ALK: variants seen among roughly 807,000 people sequenced by gnomAD.
The protein encoded by ALK is ALK tyrosine kinase receptor.
Under a neutral mutation model 163.1 loss-of-function variants are expected in ALK, and 74 were observed. The ratio of observed to expected loss-of-function variants is 0.45; its 90% confidence interval spans 0.38 to 0.55. ALK has a LOEUF of 0.55. ALK is among the 20% of genes least tolerant of loss of function. The pLI, the probability that ALK is intolerant of heterozygous loss-of-function variation, is 0.00. For synonymous variants in ALK, 960 were observed against 843.2 expected (o/e 1.14, Z -2.40); for missense variants, 2,063 against 2,105.3 (o/e 0.98, Z 0.39).
intron 5 of ALK, among the ~76,000 whole-genome samples, chr2:29,334,210 C>T (rs1667541105): frequency 6.6e-6 from 1 of 152,188 alleles, no homozygotes; most frequent in South Asian, 2.1e-4. Flanking sequence ...GACACTGCTA[C>T]ATATCATTAC....
intron 4 of ALK, among the ~76,000 whole-genome samples, chr2:29,384,418 C>T (rs1301120466): frequency 6.6e-6 from 1 of 152,042 alleles, no homozygotes; most frequent in Non-Finnish European, 1.5e-5. Flanking sequence ...GTAAAAGGTA[C>T]CTAAGACTGA....
rs114136405 is a variant in ALK, at chr2:29,348,143, G to C, written c.1283-19662C>G. On this transcript the variant is annotated intron_variant, in intron 5 of 28. Coordinates refer to ENST00000389048, the MANE Select transcript of ALK (RefSeq NM_004304.5). ...TCAGAGACAACATGATCTGTGTCAG[G>C]CTGGGCAGGGGTGGAATGCATGAGT... Among the ~76,000 whole-genome samples, 805 of 152,238 alleles carry C rather than the reference G, an allele frequency of 5.3e-3. 9 individuals carry two copies. The highest frequency in any genetic ancestry group is 0.017 in the African/African-American group (726 of 41,544).
intron 4 of ALK, among the ~76,000 whole-genome samples, chr2:29,482,359 T>C (rs923100617): frequency 1.3e-5 from 2 of 152,178 alleles, no homozygotes; most frequent in East Asian, 3.9e-4. Flanking sequence ...ATTCTGTGTA[T>C]GAAAGTGGAC....
At chr2:29,800,107 T>C (rs1385864148) in intron 1 of ALK, among the ~76,000 whole-genome samples, 1 of 152,104 alleles carries the variant, frequency 6.6e-6, no homozygotes, top group Non-Finnish European at 1.5e-5. Context: ...AGGACACTCA[T>C]TGGAGATGAA....
chr2:29,785,648 T>C (rs999671458), intron 1 of ALK, among the ~76,000 whole-genome samples: 1 of 152,164 alleles, frequency 6.6e-6, no homozygotes, highest in Non-Finnish European at 1.5e-5. Context: ...TACAAATGTG[T>C]GCAGGCTGCA....
At chr2:29,573,760 C>T (rs935941091) in intron 3 of ALK, among the ~76,000 whole-genome samples, 4 of 152,102 alleles carry the variant, frequency 2.6e-5, no homozygotes, top group African/African-American at 9.7e-5. Flanking sequence ...GGGAATAGAA[C>T]AACAAACATG....
intron 4 of ALK, 35 bp from the exon 5 acceptor site, chr2:29,383,894 G>C: frequency 1.9e-6 from 3 of 1,613,708 alleles, no homozygotes; most frequent in Non-Finnish European, 1.7e-6. Flanking sequence ...GAAAAGCATA[G>C]AGAAACAGAT....
At chr2:29,887,559 G>C (rs1218249200) in intron 1 of ALK, among the ~76,000 whole-genome samples, 1 of 152,220 alleles carries the variant, frequency 6.6e-6, no homozygotes, top group Non-Finnish European at 1.5e-5. Flanking sequence ...CTCTCAATGA[G>C]AGAGGATCAA....
intron 3 of ALK, among the ~76,000 whole-genome samples, chr2:29,552,512 T>A (rs913216050): frequency 6.6e-6 from 1 of 152,222 alleles, no homozygotes; most frequent in Non-Finnish European, 1.5e-5. Flanking sequence ...CTCACCAATA[T>A]TTGTTGTATT....
At chr2:29,201,743 C>T (rs1387058904) in intron 26 of ALK, among the ~76,000 whole-genome samples, 3 of 150,442 alleles carry the variant, frequency 2.0e-5, no homozygotes, top group East Asian at 2.0e-4. Context: ...GCTGAGATGG[C>T]GCCACTGTAC....
intron 3 of ALK, among the ~76,000 whole-genome samples, chr2:29,580,426 C>A (rs144565097): frequency 6.6e-6 from 1 of 152,156 alleles, no homozygotes; most frequent in African/African-American, 2.4e-5. Flanking sequence ...GCAAGGCCAC[C>A]GCTGGCATCT....
rs549365367 is a variant in ALK, at chr2:29,783,910, G to A, written c.668-66213C>T. ...GGATTCCACCAAGTGGCAGTCGTGT[G>A]TAAGATGTTAATTTCCCTGGGCATC... On this transcript the variant is annotated intron_variant, in intron 1 of 28. Transcript: ENST00000389048. Among the ~76,000 whole-genome samples, 134 of 152,282 alleles carry A rather than the reference G, an allele frequency of 8.8e-4. 1 individual carries two copies. Among genetic ancestry groups the A allele is most frequent in the African/African-American group, 3.1e-3 (130 of 41,552 alleles).
At chr2:29,468,914 T>C (rs923304965) in intron 4 of ALK, among the ~76,000 whole-genome samples, 4 of 147,830 alleles carry the variant, frequency 2.7e-5, no homozygotes, top group African/African-American at 5.0e-5. Context: ...AGTAACTGCC[T>C]TACCAATAAC....
intron 6 of ALK, 147 bp from the exon 7 acceptor site, chr2:29,321,029 T>G: frequency 9.6e-7 from 1 of 1,042,742 alleles, no homozygotes; most frequent in Non-Finnish European, 1.5e-6. Context: ...CTAATGACAC[T>G]GATTATAATG....
At chr2:29,599,859 G>A (rs1175586981) in intron 3 of ALK, among the ~76,000 whole-genome samples, 1 of 152,206 alleles carries the variant, frequency 6.6e-6, no homozygotes, top group Non-Finnish European at 1.5e-5. Flanking sequence ...CTCTTTGCCT[G>A]TAGTAAGGAC....
intron 11 of ALK, among the ~76,000 whole-genome samples, chr2:29,253,844 TTAGATAGATAGATAGA>T (rs10539749): frequency 0.025 from 3,536 of 143,572 alleles, 59 homozygotes; most frequent in Non-Finnish European, 0.034. Flanking sequence ...TATATCTATA[TTAGATAGATAGATAGA>T]TAGATAGATA....
At chr2:29,893,313 T>G (rs561920120) in intron 1 of ALK, among the ~76,000 whole-genome samples, 1 of 152,204 alleles carries the variant, frequency 6.6e-6, no homozygotes, top group Non-Finnish European at 1.5e-5. Flanking sequence ...CTGCTTCTGA[T>G]GAGTGACCCT....
chr2:29,195,981 A>G (rs1273729729), intron 28 of ALK, among the ~76,000 whole-genome samples: 14 of 152,152 alleles, frequency 9.2e-5, no homozygotes, highest in Admixed American at 9.2e-4. Flanking sequence ...TTTGTATCAG[A>G]GACAGGGAGG....
intron 11 of ALK, among the ~76,000 whole-genome samples, chr2:29,260,574 T>C (rs537649649): frequency 5.5e-4 from 84 of 152,338 alleles, no homozygotes; most frequent in Non-Finnish European, 1.0e-3. Flanking sequence ...TGGTGACTCA[T>C]GCCTGTAATC....
Sources: gnomAD v4.1 joint callset for allele counts (sites outside exome capture counted in the v4.1 genomes callset) on GRCh38, gnomAD v4.1.1 for gene constraint, MANE v1.5 for transcripts, NCBI Gene and HGNC (gene_info 2026-07-23, HGNC 2026-07-21) for gene names.